Variants in FUCA1 observed in about 807,000 individuals in gnomAD.
FUCA1 encodes tissue alpha-L-fucosidase.
In FUCA1, 52 loss-of-function variants were observed where a neutral mutation model predicts 56.8. The ratio of observed to expected loss-of-function variants is 0.92; its 90% CI spans 0.73 to 1.15. The LOEUF (loss-of-function observed/expected upper bound fraction) is 1.15, where lower values mean the gene tolerates loss of function less well. FUCA1 is among the 50% of genes most tolerant of loss of function. FUCA1 has a pLI of 0.00. For missense variants in FUCA1, 568 were observed against 592.6 expected, an observed-to-expected ratio of 0.96 and a Z score of 0.43; for synonymous variants, 230 against 226.6, an observed-to-expected ratio of 1.02 and a Z score of -0.14.
chr1:23,856,240 G>C (rs949489452), intron 4 of FUCA1, among the ~76,000 whole-genome samples: 1 of 152,114 alleles, frequency 6.6e-6, no homozygotes, highest in African/African-American at 2.4e-5. Flanking sequence ...CCAGACTCTG[G>C]CTCAGAGTGA....
intron 5 of FUCA1, among the ~76,000 whole-genome samples, chr1:23,852,529 G>A (rs61779510): frequency 0.027 from 4,131 of 151,132 alleles, 93 homozygotes; most frequent in Non-Finnish European, 0.045. Flanking sequence ...ATGCCGAGCC[G>A]AAGCTGGACT....
chr1:23,847,005 G>C (rs959688889), intron 6 of FUCA1, among the ~76,000 whole-genome samples: 1 of 152,068 alleles, frequency 6.6e-6, no homozygotes, highest in Non-Finnish European at 1.5e-5. Context: ...CAGGCATGAA[G>C]CACTGCACAA....
chr1:23,863,056 T>C (rs1277022002), intron 3 of FUCA1, 78 bp downstream of exon 3: 2 of 1,475,032 alleles, frequency 1.4e-6, no homozygotes, highest in Non-Finnish European at 1.9e-6. Flanking sequence ...CTATCCCTCC[T>C]CCACTTTAAT....
intron 5 of FUCA1, among the ~76,000 whole-genome samples, chr1:23,849,606 G>A (rs566492722): frequency 1.9e-4 from 23 of 120,054 alleles, no homozygotes; most frequent in South Asian, 5.4e-4. Flanking sequence ...TTTTTGAGAC[G>A]GACTCTTGCT....
intron 4 of FUCA1, among the ~76,000 whole-genome samples, chr1:23,855,045 TTTTCCAACTATATA>T (rs1421328461): frequency 1.3e-5 from 2 of 151,908 alleles, no homozygotes; most frequent in African/African-American, 4.8e-5. Context: ...TGGCAGGCTG[TTTTCCAACTATATA>T]ATCCCAGCCT....
rs34240712 is a variant in FUCA1, at chr1:23,861,322, C to CAAAAA, written c.663-1424_663-1420dup. On this transcript the variant is annotated intron_variant, in intron 3 of 7. Coordinates refer to ENST00000374479, the MANE Select transcript of FUCA1 (RefSeq NM_000147.5). ...TGGGCGACGGAGCGAGACTCCGTCT[C>CAAAAA]AAAAAAAAAAAAAAAAAAAAAAAAG... Among the ~76,000 whole-genome samples, 107 of 60,360 alleles carry CAAAAA rather than the reference C, an allele frequency of 1.8e-3. 2 individuals are homozygous for CAAAAA. Among genetic ancestry groups the CAAAAA allele is most frequent in the African/African-American group, 3.1e-3 (47 of 15,406 alleles). The allele number at this position is 60,360 out of a possible 152,430, so 39.6% of individuals were successfully genotyped here. A position where few individuals can be genotyped will look rare whatever the true frequency, so the allele number is the denominator to read the frequency against.
intron 1 of FUCA1, among the ~76,000 whole-genome samples, chr1:23,865,973 T>C (rs1457868179): frequency 6.6e-6 from 1 of 152,180 alleles, no homozygotes; most frequent in Admixed American, 6.5e-5. Context: ...TTCTTTGCCC[T>C]GAAGGAGAAA....
chr1:23,854,682 G>T, intron 4 of FUCA1, 122 bp from the exon 5 acceptor site: 1 of 839,422 alleles, frequency 1.2e-6, no homozygotes, highest in Non-Finnish European at 2.0e-6. Context: ...GCTGTCAACT[G>T]GGGGCAATTT....
At chr1:23,848,233 T>C (rs542677976) in intron 6 of FUCA1, among the ~76,000 whole-genome samples, 28 of 152,188 alleles carry the variant, frequency 1.8e-4, no homozygotes, top group African/African-American at 6.7e-4. Context: ...CATTTAATCC[T>C]CACAACACTA....
intron 5 of FUCA1, among the ~76,000 whole-genome samples, chr1:23,850,648 T>TA (rs1639236704): frequency 6.6e-6 from 1 of 152,060 alleles, no homozygotes; most frequent in Non-Finnish European, 1.5e-5. Context: ...CACGCCCAGC[T>TA]AATTTTTTTT....
At chr1:23,865,867 G>T (rs1046221050) in intron 1 of FUCA1, among the ~76,000 whole-genome samples, 5 of 152,212 alleles carry the variant, frequency 3.3e-5, no homozygotes, top group African/African-American at 1.2e-4. Flanking sequence ...AAAGGAGGAG[G>T]CCCAGAGGGA....
intron 4 of FUCA1, among the ~76,000 whole-genome samples, chr1:23,857,007 G>GA (rs145048129): frequency 0.017 from 2,462 of 144,922 alleles, 21 homozygotes; most frequent in Middle Eastern, 0.042. Flanking sequence ...AAAAAGAAAA[G>GA]AAAAAAAAAA....
rs1199984114 is a variant in FUCA1 at position 23,865,471 on chromosome 1, AACCATCCCTGGACACTC to A, written c.524+3_524+19del. On this transcript the variant is annotated splice_donor_5th_base_variant and intron_variant, in intron 2 of 7. Coordinates refer to ENST00000374479, the MANE Select transcript of FUCA1 (RefSeq NM_000147.5). Reference sequence around the variant, plus strand: ...GCCAGATCCAAAGAGATAACAGAGTAACCATCCCTGGACACTCACCTCTTCCGGAGAGCTGTTCCCAA... The same window carrying A: ...GCCAGATCCAAAGAGATAACAGAGTAACCTCTTCCGGAGAGCTGTTCCCAA... The A allele has an allele frequency of 6.2e-7, 1 of 1,614,078 alleles. No homozygotes were observed. The highest frequency in any genetic ancestry group is 1.3e-5 in the African/African-American group (1 of 75,052).
chr1:23,851,223 G>C (rs957389025), intron 5 of FUCA1, among the ~76,000 whole-genome samples: 3 of 152,092 alleles, frequency 2.0e-5, no homozygotes, highest in Non-Finnish European at 4.4e-5. Flanking sequence ...AATAAGCTGG[G>C]CATGGTGGCA....
At position 23,868,021 on chromosome 1, in the gene FUCA1, T is replaced by TA; in HGVS notation, c.265dup (p.Tyr89LeufsTer79). ...GTAGTTGTCGCGCATGAAGCGCTGG[T>TA]ACTGCGGCCGCCCCTCGCCCTGCCA... On this transcript the variant is annotated frameshift_variant, in exon 1 of 8. Coordinates refer to ENST00000374479, the MANE Select transcript of FUCA1 (RefSeq NM_000147.5). LOFTEE classifies it high-confidence loss of function. The TA allele has an allele frequency of 6.2e-7, 1 of 1,608,398 alleles. No individual in the cohort carries two copies. The highest frequency in any genetic ancestry group is 8.5e-7 in the Non-Finnish European group (1 of 1,178,372).
rs1639662033 is a variant in FUCA1, at chr1:23,868,033, C to T, written c.254G>A (p.Gly85Glu). Reference sequence around the variant, plus strand: ...CATGAAGCGCTGGTACTGCGGCCGCCCCTCGCCCTGCCAGTGCCACCAGAA... The same window carrying T: ...CATGAAGCGCTGGTACTGCGGCCGCTCCTCGCCCTGCCAGTGCCACCAGAA... ...EWFWWHWQGE[G>E]RPQYQRFMRD... Residue 85 changes from glycine (G) to glutamate (E), a missense_variant, in exon 1 of 8, where the codon GGG (glycine) becomes GAG (glutamate). Transcript: ENST00000374479. 4 of 1,609,980 alleles carry T rather than the reference C, an allele frequency of 2.5e-6. No individual in the cohort carries two copies. The East Asian group carries it at 8.9e-5, about 36-fold the overall frequency.
At chr1:23,855,859 TAAG>T (rs1639379221) in intron 4 of FUCA1, among the ~76,000 whole-genome samples, 2 of 152,180 alleles carry the variant, frequency 1.3e-5, no homozygotes, top group Non-Finnish European at 2.9e-5. Context: ...GCTTATTCAA[TAAG>T]TATTTACTCA....
intron 1 of FUCA1, among the ~76,000 whole-genome samples, chr1:23,866,892 C>T (rs934760448): frequency 6.6e-6 from 1 of 152,214 alleles, no homozygotes; most frequent in Non-Finnish European, 1.5e-5. Flanking sequence ...AGGAGACAAA[C>T]ACTTCCTCTG....
intron 2 of FUCA1, among the ~76,000 whole-genome samples, chr1:23,863,952 A>G (rs1639566083): frequency 6.6e-6 from 1 of 152,214 alleles, no homozygotes; most frequent in Non-Finnish European, 1.5e-5. Context: ...AAGAAACTGG[A>G]AAATAGAAAA....
Sources: gnomAD v4.1 joint callset for allele counts (sites outside exome capture counted in the v4.1 genomes callset) on GRCh38, gnomAD v4.1.1 for gene constraint, MANE v1.5 for transcripts, NCBI Gene and HGNC (gene_info 2026-07-23, HGNC 2026-07-21) for gene names.